Variants in UMAD1 observed in about 807,000 individuals in gnomAD.
UMAD1 encodes the protein UBAP1-MVB12-associated (UMA)-domain containing protein 1.
A neutral mutation model predicts 6.1 loss-of-function variants in UMAD1; 8 were observed. The observed-to-expected ratio is 1.30, with a 90% CI of 0.76 to 2.35. The LOEUF is 2.35. UMAD1 is among the 30% of genes most tolerant of loss of function. The pLI, the probability that UMAD1 is intolerant of heterozygous loss-of-function variation, is 0.00. For synonymous variants in UMAD1, 56 were observed against 31.4 expected (o/e 1.78, Z -2.61); for missense variants, 130 against 78.4 (o/e 1.66, Z -2.49).
chr7:7,724,835 T>C (rs1367052276), intron 2 of UMAD1, among the ~76,000 whole-genome samples: 1 of 152,240 alleles, frequency 6.6e-6, no homozygotes, highest in Non-Finnish European at 1.5e-5. Flanking sequence ...AGAAGCAATT[T>C]GCTTTCAGCT....
intron 2 of UMAD1, among the ~76,000 whole-genome samples, chr7:7,796,244 C>CTTTTT (rs59221325): frequency 0.016 from 1,027 of 63,858 alleles, 178 homozygotes; most frequent in African/African-American, 0.086. Context: ...TATTTTCTTT[C>CTTTTT]TTTTTTTTTT....
At chr7:7,729,723 A>T (rs1194017808) in intron 2 of UMAD1, among the ~76,000 whole-genome samples, 1 of 152,172 alleles carries the variant, frequency 6.6e-6, no homozygotes, top group African/African-American at 2.4e-5. Flanking sequence ...GTCTCCAAAG[A>T]CTTTGTCAGT....
intron 3 of UMAD1, among the ~76,000 whole-genome samples, chr7:7,841,650 A>C (rs1181406591): frequency 6.6e-6 from 1 of 152,204 alleles, no homozygotes. Flanking sequence ...AATATATTTT[A>C]ATATACATTC....
At chr7:7,799,714 C>A (rs1782760953) in intron 2 of UMAD1, among the ~76,000 whole-genome samples, 1 of 152,152 alleles carries the variant, frequency 6.6e-6, no homozygotes, top group South Asian at 2.1e-4. Flanking sequence ...TGGTCTCATG[C>A]CTGTAGCTAA....
chr7:7,749,697 A>T (rs749590980), intron 2 of UMAD1, among the ~76,000 whole-genome samples: 2 of 152,134 alleles, frequency 1.3e-5, no homozygotes, highest in Non-Finnish European at 2.9e-5. Context: ...GTGATCTAAT[A>T]TGTAGATATG....
chr7:7,861,763 C>T (rs1784119938), intron 3 of UMAD1, among the ~76,000 whole-genome samples: 2 of 152,160 alleles, frequency 1.3e-5, no homozygotes, highest in South Asian at 4.1e-4. Flanking sequence ...AATATTTTCC[C>T]ATTTCTTGAA....
chr7:7,832,166 A>G (rs1168205653), intron 3 of UMAD1, among the ~76,000 whole-genome samples: 1 of 152,172 alleles, frequency 6.6e-6, no homozygotes, highest in African/African-American at 2.4e-5. Context: ...CTTGAGAAAG[A>G]TTTTATGTTC....
chr7:7,716,562 C>T (rs1057509191), intron 2 of UMAD1, among the ~76,000 whole-genome samples: 2 of 152,234 alleles, frequency 1.3e-5, no homozygotes, highest in Admixed American at 1.3e-4. Flanking sequence ...CTCCACCTTC[C>T]CTTTTCTTTG....
intron 3 of UMAD1, among the ~76,000 whole-genome samples, chr7:7,809,117 A>T (rs1325348669): frequency 6.6e-6 from 1 of 152,004 alleles, no homozygotes; most frequent in Non-Finnish European, 1.5e-5. Flanking sequence ...CAGAAATAGT[A>T]ATTAAGGTAG....
At chr7:7,651,502 C>T (rs184166426) in intron 1 of UMAD1, among the ~76,000 whole-genome samples, 3 of 152,316 alleles carry the variant, frequency 2.0e-5, no homozygotes, top group Non-Finnish European at 4.4e-5. Flanking sequence ...TATTTTCCTG[C>T]CTCCTGTCCA....
chr7:7,796,378 A>G (rs1051108115), intron 2 of UMAD1, among the ~76,000 whole-genome samples: 3 of 148,540 alleles, frequency 2.0e-5, no homozygotes, highest in Non-Finnish European at 4.4e-5. Context: ...CAGCCTCCCG[A>G]GTAGCTGGGA....
chr7:7,648,483 A>G (rs1368838266), intron 1 of UMAD1, among the ~76,000 whole-genome samples: 1 of 152,130 alleles, frequency 6.6e-6, no homozygotes, highest in Non-Finnish European at 1.5e-5. Context: ...GATTGTGGCT[A>G]CTGATGTATT....
At chr7:7,653,850 C>T (rs947000795) in intron 1 of UMAD1, among the ~76,000 whole-genome samples, 4 of 152,142 alleles carry the variant, frequency 2.6e-5, no homozygotes, top group Admixed American at 6.5e-5. Flanking sequence ...TAGGAAGGCA[C>T]TTAGTGGGTT....
chr7:7,647,342 A>G (rs1451576879), intron 1 of UMAD1, among the ~76,000 whole-genome samples: 2 of 152,184 alleles, frequency 1.3e-5, no homozygotes, highest in African/African-American at 4.8e-5. Flanking sequence ...TGGTTTGTCT[A>G]ATTCTTTGCA....
chr7:7,759,677 G>A (rs1300266779), intron 2 of UMAD1, among the ~76,000 whole-genome samples: 2 of 152,180 alleles, frequency 1.3e-5, no homozygotes, highest in African/African-American at 2.4e-5. Context: ...TGGAGGAAGG[G>A]AAATTTAAGC....
At chr7:7,642,959 CTTCTT>C (rs981960756) in intron 1 of UMAD1, among the ~76,000 whole-genome samples, 8 of 151,948 alleles carry the variant, frequency 5.3e-5, no homozygotes, top group Non-Finnish European at 1.2e-4. Context: ...TATCTTCTGA[CTTCTT>C]TTGTTTGTTT....
chr7:7,668,035 G>T (rs1263962239), intron 1 of UMAD1, among the ~76,000 whole-genome samples: 1 of 151,878 alleles, frequency 6.6e-6, no homozygotes, highest in Non-Finnish European at 1.5e-5. Context: ...TCCAACCTCA[G>T]CCTCCCGATT....
In UMAD1 at chr7:7,706,629, C is replaced by G. The variant is rs550628956; in HGVS notation, c.82+33176C>G. 6.6e-5 allele frequency among the ~76,000 whole-genome samples: 10 copies of G among 152,152 alleles called. No individual in the cohort carries two copies. The South Asian group carries it at 2.1e-3, about 32-fold the overall frequency. On this transcript the variant is annotated intron_variant, in intron 2 of 3. Coordinates refer to ENST00000682710, the MANE Select transcript of UMAD1 (RefSeq NM_001302348.2). ...TACTAGTAGGTAATAATGAAGATAA[C>G]TAATAATAACTCATTTACATAAGAA...
chr7:7,782,933 A>G lies in UMAD1; in HGVS notation c.83-18737A>G, dbSNP rs150228858. ...TTTTTTATACAGACAGGGTTTTGCC[A>G]TGTTGGCCAGGCTGGTCTTGAACGC... On this transcript the variant is annotated intron_variant, in intron 2 of 3. Coordinates refer to ENST00000682710, the MANE Select transcript of UMAD1 (RefSeq NM_001302348.2). 3.4e-3 allele frequency among the ~76,000 whole-genome samples: 519 copies of G among 152,236 alleles called. 5 individuals carry two copies. Among genetic ancestry groups the G allele is most frequent in the African/African-American group, 0.012 (497 of 41,542 alleles).
Sources: allele counts gnomAD v4.1 joint callset (sites outside exome capture counted in the v4.1 genomes callset), GRCh38; gene constraint gnomAD v4.1.1; transcripts MANE v1.5; gene names NCBI Gene and HGNC (gene_info 2026-07-23, HGNC 2026-07-21).